The following DMXL1 variants were observed in gnomAD, a reference collection of about 807,000 sequenced individuals.
DMXL1 encodes dmX-like protein 1.
In DMXL1, 99 loss-of-function variants were observed where a neutral mutation model predicts 319.2. That is an observed-to-expected ratio of 0.31 (90% CI 0.26 to 0.37). The LOEUF (loss-of-function observed/expected upper bound fraction) is 0.37. Ranked by LOEUF, DMXL1 falls within the 10% of genes least tolerant of loss-of-function variation. The pLI is 1.00. For missense variants in DMXL1, 3,745 were observed against 3,595.6 expected, an observed-to-expected ratio of 1.04 and a Z score of -1.06; for synonymous variants, 1,385 against 1,235.2, an observed-to-expected ratio of 1.12 and a Z score of -2.54.
Position 119,167,627 on chromosome 5 carries a change from A to T in DMXL1, c.5161A>T (p.Ile1721Phe), listed in dbSNP as rs776396988. The T allele has an allele frequency of 6.2e-7, 1 of 1,605,598 alleles. No homozygotes were observed. Among genetic ancestry groups the T allele is most frequent in the African/African-American group, 1.3e-5 (1 of 74,828 alleles). ...IEVCLEKLNDIQLALVIARLY... is the reference protein window; with the variant it reads ...IEVCLEKLNDFQLALVIARLY... Reference sequence around the variant, plus strand: ...GGTATGTCTTGAGAAATTGAATGACATTCAGTTGGCTCTTGTAATAGCAAG... The same window carrying T: ...GGTATGTCTTGAGAAATTGAATGACTTTCAGTTGGCTCTTGTAATAGCAAG... Residue 1721 changes from isoleucine to phenylalanine, a missense_variant, in exon 23 of 44, where the codon ATT (isoleucine) becomes TTT (phenylalanine). Ile to Phe is a conservative substitution (Grantham distance 21, BLOSUM62 0). This residue lies in a region of DMXL1 where 1,382 missense variants were observed against 1,269.5 expected (regional missense o/e 1.09). Transcript: ENST00000539542.
intron 5 of DMXL1, among the ~76,000 whole-genome samples, chr5:119,112,210 C>T (rs1054654371): frequency 2.0e-5 from 3 of 152,220 alleles, no homozygotes; most frequent in Admixed American, 6.5e-5. Context: ...ATCTGCCTGC[C>T]TCAGCCTCCC....
rs761668941 is a variant in DMXL1 at position 119,121,170 on chromosome 5, G to C, written c.1102+31G>C. 7 of 1,524,684 alleles carry C rather than the reference G, an allele frequency of 4.6e-6. No individual in the cohort carries two copies. In the East Asian group the frequency reaches 1.6e-4, roughly 36 times the overall value. 94.4% of individuals were successfully genotyped at this position (1,524,684 alleles called of 1,614,324 possible). On this transcript the variant is annotated intron_variant, in intron 9 of 43. Coordinates refer to ENST00000539542, the MANE Select transcript of DMXL1 (RefSeq NM_001290321.3). ...GAAACATTGTTCAAAACATGTTTCT[G>C]AAATTGAATAGATTGATTTTATAAC...
chr5:119,183,284 C>T (rs1172963809), intron 28 of DMXL1, among the ~76,000 whole-genome samples: 1 of 152,086 alleles, frequency 6.6e-6, no homozygotes, highest in Non-Finnish European at 1.5e-5. Context: ...GCTAACATTC[C>T]TTTAGCAAAG....
intron 29 of DMXL1, among the ~76,000 whole-genome samples, chr5:119,193,414 G>T (rs982269617): frequency 6.6e-6 from 1 of 151,836 alleles, no homozygotes; most frequent in African/African-American, 2.4e-5. Context: ...TTTAGTTCTC[G>T]TACTTTTCAA....
At chr5:119,166,543 A>G (rs1017207528) in intron 21 of DMXL1, 73 bp from the exon 22 acceptor site, 2 of 1,371,820 alleles carry the variant, frequency 1.5e-6, no homozygotes, top group African/African-American at 3.0e-5. Flanking sequence ...CCAAATCTTA[A>G]CTTTAGAAAA....
intron 36 of DMXL1, 93 bp downstream of exon 36, chr5:119,220,686 G>GTA: frequency 6.9e-7 from 1 of 1,457,120 alleles, no homozygotes; most frequent in Non-Finnish European, 9.3e-7. Context: ...TTAAAGCAAT[G>GTA]TATAGATTGT....
At chr5:119,224,251 ATG>A (rs1466309097) in intron 37 of DMXL1, among the ~76,000 whole-genome samples, 1 of 152,106 alleles carries the variant, frequency 6.6e-6, no homozygotes, top group Non-Finnish European at 1.5e-5. Flanking sequence ...CTTTAATTTT[ATG>A]TGTTTGTTTT....
chr5:119,102,794 CTAAAAA>C (rs1391595704), intron 3 of DMXL1, among the ~76,000 whole-genome samples: 1 of 151,974 alleles, frequency 6.6e-6, no homozygotes. Context: ...GACCCTGTCT[CTAAAAA>C]TAAAAATAAA....
chr5:119,103,490 A>G (rs1475616157), intron 3 of DMXL1, among the ~76,000 whole-genome samples: 1 of 152,210 alleles, frequency 6.6e-6, no homozygotes, highest in East Asian at 1.9e-4. Flanking sequence ...AGCAGCTGTT[A>G]AGCCACAGAA....
Position 119,095,647 on chromosome 5 carries a change from A to C in DMXL1, c.88-2332A>C, listed in dbSNP as rs1352161920. Among the ~76,000 whole-genome samples, 4 of 152,266 alleles carry C rather than the reference A, an allele frequency of 2.6e-5. No individual in the cohort carries two copies. In the East Asian group the frequency reaches 7.7e-4, roughly 29 times the overall value. ...AAATTGTAAACATGTAAAATTCAAC[A>C]CAATATTTTGAGAAACAGTGACAAT... On this transcript the variant is annotated intron_variant, in intron 1 of 43. Coordinates refer to ENST00000539542, the MANE Select transcript of DMXL1 (RefSeq NM_001290321.3).
intron 3 of DMXL1, among the ~76,000 whole-genome samples, chr5:119,102,436 A>G (rs940505165): frequency 1.1e-4 from 16 of 152,204 alleles, no homozygotes; most frequent in African/African-American, 3.6e-4. Context: ...TAACAGGTCA[A>G]TGAATGTTTT....
At chr5:119,151,818 C>T (rs969308987) in intron 18 of DMXL1, 111 bp from the exon 19 acceptor site, 4 of 541,782 alleles carry the variant, frequency 7.4e-6, no homozygotes, top group African/African-American at 5.9e-5. Context: ...AAATATTTTA[C>T]ACTGATAACT....
chr5:119,242,900 A>G lies in DMXL1; in HGVS notation c.8705-1459A>G, dbSNP rs147019028. On this transcript the variant is annotated intron_variant, in intron 42 of 43. Coordinates refer to ENST00000539542, the MANE Select transcript of DMXL1 (RefSeq NM_001290321.3). ...TGCCAGAACAATTTAATGTCAACAT[A>G]TAAAAAATTGAACCCAGATACAGAC... is the stretch of plus-strand genomic sequence containing the variant. 5.5e-4 allele frequency among the ~76,000 whole-genome samples: 84 copies of G among 152,358 alleles called. 1 individual carries two copies. In the East Asian group the frequency reaches 0.015, roughly 27 times the overall value.
At chr5:119,196,522 T>TG (rs1779665655) in intron 31 of DMXL1, 66 bp downstream of exon 31, 5 of 1,205,724 alleles carry the variant, frequency 4.1e-6, no homozygotes, top group Admixed American at 4.1e-5. Flanking sequence ...GTTGTTTTTT[T>TG]TTTTTTTTTT....
chr5:119,107,606 A>G (rs1429498077), intron 4 of DMXL1, among the ~76,000 whole-genome samples: 1 of 152,174 alleles, frequency 6.6e-6, no homozygotes, highest in Non-Finnish European at 1.5e-5. Flanking sequence ...TATCTTACCT[A>G]CTTTTGTTCC....
At chr5:119,166,448 A>T (rs1773462721) in intron 21 of DMXL1, among the ~76,000 whole-genome samples, 168 bp from the exon 22 acceptor site, 1 of 152,358 alleles carries the variant, frequency 6.6e-6, no homozygotes. Context: ...TATATAACAA[A>T]TGTTTACCTA....
At position 119,080,194 on chromosome 5, in the gene DMXL1, A is replaced by G. The variant is rs1009031225; in HGVS notation, c.87+8538A>G. Among the ~76,000 whole-genome samples, 4 of 152,014 alleles carry G rather than the reference A, an allele frequency of 2.6e-5. No homozygotes were observed. In the East Asian group the frequency reaches 7.7e-4, roughly 29 times the overall value. ...AAACCTGTTTCTACTAAAAATACAA[A>G]AAATTAGCCAGGTGTGGTGGTGGGT... On this transcript the variant is annotated intron_variant, in intron 1 of 43. Coordinates refer to ENST00000539542, the MANE Select transcript of DMXL1 (RefSeq NM_001290321.3).
chr5:119,149,932 C>G lies in DMXL1; in HGVS notation c.4105C>G (p.Arg1369Gly). ...ALNEAESNHE[R>G]RLRSLTISAS... ...GAATGAAGCTGAATCTAATCATGAA[C>G]GCCGCCTTAGGTCTCTCACAATCAG... is the stretch of plus-strand genomic sequence containing the variant. Residue 1369 changes from arginine (R) to glycine (G), a missense_variant, in exon 18 of 44, where the codon CGC (arginine) becomes GGC (glycine). Arg to Gly is a moderately radical substitution (Grantham distance 125, BLOSUM62 -2). Around this residue, in one of 4 missense-constraint regions of DMXL1, gnomAD observed 2,096 missense variants for 1,985.4 expected, o/e 1.06. Transcript: ENST00000539542. The G allele has an allele frequency of 2.5e-6, 4 of 1,613,878 alleles. No homozygotes were observed. Among genetic ancestry groups the G allele is most frequent in the Non-Finnish European group, 3.4e-6 (4 of 1,179,922 alleles).
At chr5:119,085,108 C>A (rs1753064029) in intron 1 of DMXL1, among the ~76,000 whole-genome samples, 1 of 151,914 alleles carries the variant, frequency 6.6e-6, no homozygotes, top group Non-Finnish European at 1.5e-5. Flanking sequence ...GAGGGCAGAT[C>A]ACATGAGGCC....
Sources: allele counts gnomAD v4.1 joint callset (sites outside exome capture counted in the v4.1 genomes callset), GRCh38; gene constraint gnomAD v4.1.1; regional missense constraint gnomAD v4.1.1; transcripts MANE v1.5; gene names NCBI Gene and HGNC (gene_info 2026-07-23, HGNC 2026-07-21).